WDR7: variants seen among roughly 807,000 people sequenced by gnomAD.
WDR7 encodes WD repeat domain 7.
In WDR7, 46 loss-of-function variants were observed where a neutral mutation model predicts 169.4. The ratio of observed to expected loss-of-function variants is 0.27; its 90% confidence interval spans 0.21 to 0.35. WDR7 has a LOEUF of 0.35. Among genes scored for constraint, WDR7 ranks in the 10% least tolerant of loss-of-function variants. The pLI is 1.00. For missense variants in WDR7, 1,534 were observed against 1,859.3 expected, an observed-to-expected ratio of 0.83 and a Z score of 3.22; for synonymous variants, 612 against 666.8, an observed-to-expected ratio of 0.92 and a Z score of 1.27.
At chr18:56,953,367 G>A (rs2047208908) in intron 25 of WDR7, among the ~76,000 whole-genome samples, 1 of 151,918 alleles carries the variant, frequency 6.6e-6, no homozygotes, top group Admixed American at 6.6e-5. Context: ...TAACTGACTG[G>A]TTTTTAACAT....
chr18:56,663,910 G>T (rs771725749), intron 1 of WDR7, among the ~76,000 whole-genome samples: 6 of 151,924 alleles, frequency 3.9e-5, no homozygotes, highest in Non-Finnish European at 8.8e-5. Context: ...TAAGTCTTTG[G>T]AATTTTTCTT....
At chr18:56,977,571 G>A (rs2145820611) in intron 26 of WDR7, among the ~76,000 whole-genome samples, 1 of 152,312 alleles carries the variant, frequency 6.6e-6, no homozygotes, top group East Asian at 1.9e-4. Flanking sequence ...CAAAGTAGGT[G>A]CTTAGAAATA....
chr18:56,671,811 T>G (rs2025142181), intron 1 of WDR7, among the ~76,000 whole-genome samples: 1 of 152,192 alleles, frequency 6.6e-6, no homozygotes, highest in Non-Finnish European at 1.5e-5. Context: ...ACCTCCTGAT[T>G]TGTTGTAAGG....
At chr18:56,821,862 G>T (rs1445552121) in intron 20 of WDR7, among the ~76,000 whole-genome samples, 3 of 152,046 alleles carry the variant, frequency 2.0e-5, no homozygotes, top group Middle Eastern at 3.2e-3. Flanking sequence ...AGCTAGGTGT[G>T]GTGGTGCGCA....
intron 13 of WDR7, among the ~76,000 whole-genome samples, chr18:56,728,543 A>G (rs2026511125): frequency 6.6e-6 from 1 of 152,174 alleles, no homozygotes; most frequent in Admixed American, 6.5e-5. Flanking sequence ...TCTTCCCAGC[A>G]TAGTCATCCT....
intron 4 of WDR7, 28 bp downstream of exon 4, chr18:56,681,419 T>C (rs474607): frequency 0.98 from 1,413,417 of 1,437,070 alleles, 697,686 homozygotes; most frequent in East Asian, 1. Context: ...TGACTCTAAG[T>C]ACAAACTATT....
At chr18:56,795,815 C>T (rs561566282) in intron 19 of WDR7, among the ~76,000 whole-genome samples, 1 of 152,198 alleles carries the variant, frequency 6.6e-6, no homozygotes, top group Non-Finnish European at 1.5e-5. Context: ...TGAAGATGAA[C>T]AGTTAAATTA....
chr18:57,010,542 A>G (rs1342873864), intron 26 of WDR7, among the ~76,000 whole-genome samples: 2 of 126,782 alleles, frequency 1.6e-5, no homozygotes, highest in South Asian at 2.6e-4. Flanking sequence ...CTGTCATTTT[A>G]TTAGCCAAAA....
At chr18:56,919,866 C>T (rs965054441) in intron 21 of WDR7, among the ~76,000 whole-genome samples, 12 of 152,118 alleles carry the variant, frequency 7.9e-5, no homozygotes, top group African/African-American at 2.4e-4. Context: ...TCACATGACA[C>T]CTCAAATACT....
chr18:56,860,286 C>T (rs888839393), intron 20 of WDR7, among the ~76,000 whole-genome samples: 21 of 152,120 alleles, frequency 1.4e-4, no homozygotes, highest in African/African-American at 5.1e-4. Flanking sequence ...TATGATTTCC[C>T]TATGTAATCA....
chr18:56,669,189 T>C (rs2025082283), intron 1 of WDR7, among the ~76,000 whole-genome samples: 2 of 152,076 alleles, frequency 1.3e-5, no homozygotes, highest in South Asian at 4.1e-4. Context: ...AAATTATTTC[T>C]ATACAGAGCT....
chr18:56,729,952 C>G (rs1165284287), intron 13 of WDR7, among the ~76,000 whole-genome samples: 1 of 152,134 alleles, frequency 6.6e-6, no homozygotes, highest in Non-Finnish European at 1.5e-5. Context: ...GTGAGGTTGA[C>G]ATCTTTTTGT....
At chr18:56,970,518 C>CT (rs1378541248) in intron 26 of WDR7, among the ~76,000 whole-genome samples, 1 of 152,086 alleles carries the variant, frequency 6.6e-6, no homozygotes, top group Non-Finnish European at 1.5e-5. Flanking sequence ...ATTTAACATA[C>CT]TTTTTTAGAA....
chr18:56,873,225 C>T (rs1290784416), intron 20 of WDR7, among the ~76,000 whole-genome samples: 1 of 152,116 alleles, frequency 6.6e-6, no homozygotes, highest in East Asian at 1.9e-4. Flanking sequence ...GTGTTAATTG[C>T]CAGTTGGGCG....
chr18:56,785,283 G>A (rs1173681668), intron 19 of WDR7, among the ~76,000 whole-genome samples: 1 of 152,168 alleles, frequency 6.6e-6, no homozygotes, highest in Non-Finnish European at 1.5e-5. Flanking sequence ...TAATGTTTGA[G>A]ATGATCATTG....
At position 56,731,452 on chromosome 18, in the gene WDR7, C is replaced by T. The variant is rs758146689; in HGVS notation, c.1844C>T (p.Pro615Leu). The T allele has an allele frequency of 6.2e-7, 1 of 1,614,140 alleles. No homozygotes were observed. The highest frequency in any genetic ancestry group is 1.1e-5 in the South Asian group (1 of 91,076). ...EILNACDEAV[P>L]AAVDSLSHPA... ...CTAAACGCTTGTGATGAAGCTGTTC[C>T]TGCTGCTGTTGATTCACTTAGTCAT... Residue 615 changes from proline to leucine, a missense_variant, in exon 14 of 28, where the codon CCT becomes CTT. Transcript: ENST00000254442.
At chr18:56,843,141 A>G (rs935856939) in intron 20 of WDR7, among the ~76,000 whole-genome samples, 16 of 152,204 alleles carry the variant, frequency 1.1e-4, no homozygotes, top group Non-Finnish European at 2.4e-4. Flanking sequence ...TAATGATGTT[A>G]ATTAAATGAA....
At chr18:56,655,960 G>T (rs2024758895) in intron 1 of WDR7, among the ~76,000 whole-genome samples, 1 of 152,106 alleles carries the variant, frequency 6.6e-6, no homozygotes, top group South Asian at 2.1e-4. Flanking sequence ...AGTATTCCAT[G>T]GTACGTATGT....
chr18:56,928,980 A>T (rs1029638219), intron 22 of WDR7, among the ~76,000 whole-genome samples: 1 of 152,204 alleles, frequency 6.6e-6, no homozygotes, highest in Admixed American at 6.5e-5. Flanking sequence ...AGATTTTTAA[A>T]TATGTTTAAT....
Sources: allele counts gnomAD v4.1 joint callset (sites outside exome capture counted in the v4.1 genomes callset), GRCh38; gene constraint gnomAD v4.1.1; transcripts MANE v1.5; gene names NCBI Gene and HGNC (gene_info 2026-07-23, HGNC 2026-07-21).